The following PBX3 variants were observed in gnomAD, a reference collection of about 807,000 sequenced individuals.
The protein encoded by PBX3 is PBX homeobox 3, also known as pre-B-cell leukemia transcription factor 3.
A neutral mutation model predicts 48.5 loss-of-function variants in PBX3; 14 were observed. The ratio of observed to expected loss-of-function variants is 0.29; its 90% confidence interval spans 0.19 to 0.45. The LOEUF is 0.45. PBX3 is among the 20% of genes least tolerant of loss of function. PBX3 has a pLI of 1.00. For missense variants in PBX3, 386 were observed against 546.7 expected, an observed-to-expected ratio of 0.71 and a Z score of 2.93; for synonymous variants, 210 against 200.3, an observed-to-expected ratio of 1.05 and a Z score of -0.41.
intron 1 of PBX3, 164 bp from the exon 2 acceptor site, chr9:125,748,386 C>G (rs1217590715): frequency 1.5e-6 from 2 of 1,356,928 alleles, no homozygotes; most frequent in Non-Finnish European, 1.9e-6. Context: ...GGCTTGCTGG[C>G]TGTCGGGAAC....
intron 3 of PBX3, among the ~76,000 whole-genome samples, chr9:125,923,907 C>T (rs939261293): frequency 1.3e-5 from 2 of 152,096 alleles, no homozygotes; most frequent in African/African-American, 2.4e-5. Context: ...CTCTGTCGCT[C>T]AGGCTAGAGT....
intron 2 of PBX3, among the ~76,000 whole-genome samples, chr9:125,805,653 T>G (rs775626807): frequency 1.1e-4 from 16 of 152,162 alleles, no homozygotes; most frequent in Non-Finnish European, 1.2e-4. Context: ...GAAATATGGT[T>G]GCTTGGAAGG....
In PBX3 at chr9:125,822,492, T is replaced by G. The variant is rs552499228; in HGVS notation, c.274+73869T>G. The stretch of plus-strand genomic sequence containing the variant: ...TTCTCCAGAGTTTAAAAACGTTTCT[T>G]CCTTAGATGTGGTTTTTCATTGTAA... On this transcript the variant is annotated intron_variant, in intron 2 of 8. Transcript: ENST00000373489. 3.9e-5 allele frequency among the ~76,000 whole-genome samples: 6 copies of G among 152,258 alleles called. No homozygotes were observed. The East Asian group carries it at 1.2e-3, about 29-fold the overall frequency.
rs907651222 is a variant in PBX3, at chr9:125,759,186, T to C, written c.274+10563T>C. Among the ~76,000 whole-genome samples the C allele has an allele frequency of 6.6e-6, 1 of 152,212 alleles. No individual in the cohort carries two copies. The highest frequency in any genetic ancestry group is 1.5e-5 in the Non-Finnish European group (1 of 68,038). On this transcript the variant is annotated intron_variant, in intron 2 of 8. Coordinates refer to ENST00000373489, the MANE Select transcript of PBX3 (RefSeq NM_006195.6). This position sits in a 1 kb window ranked among gnomAD's most constrained non-coding sequence, Gnocchi z 4.2. ...GCTGTGGTCAGCACTAGTGTAAATA[T>C]TTGTAGACAACCATGTTTTACAGAC...
At chr9:125,761,896 GA>G (rs1026306732) in intron 2 of PBX3, among the ~76,000 whole-genome samples, 2 of 152,132 alleles carry the variant, frequency 1.3e-5, no homozygotes, top group African/African-American at 4.8e-5. Flanking sequence ...GCTATTTATA[GA>G]TCCCCATTTC....
chr9:125,817,751 A>C (rs1002783898), intron 2 of PBX3, among the ~76,000 whole-genome samples: 3 of 152,224 alleles, frequency 2.0e-5, no homozygotes, highest in Non-Finnish European at 4.4e-5. Flanking sequence ...TTGTCCTACA[A>C]ATCGAAAAAA....
rs186190071 is a variant in PBX3 at position 125,761,336 on chromosome 9, T to A, written c.274+12713T>A. Among the ~76,000 whole-genome samples, 102 of 152,256 alleles carry A rather than the reference T, an allele frequency of 6.7e-4. 1 individual carries two copies. Among genetic ancestry groups the A allele is most frequent in the Admixed American group, 7.8e-4 (12 of 15,292 alleles). On this transcript the variant is annotated intron_variant, in intron 2 of 8. Coordinates refer to ENST00000373489, the MANE Select transcript of PBX3 (RefSeq NM_006195.6). ...TATTGCATTTGAAAATATTGTATTT[T>A]GAGTAAGAGTAAAACATTGTTCCAT...
At chr9:125,917,641 C>T (rs1028962632) in intron 3 of PBX3, among the ~76,000 whole-genome samples, 3 of 151,992 alleles carry the variant, frequency 2.0e-5, no homozygotes, top group South Asian at 2.1e-4. Context: ...TTATATATAT[C>T]GTTGTTTTTT....
intron 4 of PBX3, among the ~76,000 whole-genome samples, chr9:125,933,344 C>T (rs1353665414): frequency 1.3e-5 from 2 of 151,976 alleles, no homozygotes; most frequent in African/African-American, 4.8e-5. Context: ...TCTCCTCTTC[C>T]AGTAGAAGTG....
chr9:125,935,291 A>G (rs1841810323), intron 4 of PBX3, among the ~76,000 whole-genome samples, 181 bp from the exon 5 acceptor site: 1 of 152,244 alleles, frequency 6.6e-6, no homozygotes, highest in African/African-American at 2.4e-5. Flanking sequence ...ACATCTTAAA[A>G]TGAGTTGGAT....
chr9:125,851,870 C>CTTTTTT (rs1164910184), intron 2 of PBX3, among the ~76,000 whole-genome samples: 2 of 121,456 alleles, frequency 1.6e-5, no homozygotes, highest in African/African-American at 3.0e-5. Flanking sequence ...ATTTTTGCTG[C>CTTTTTT]TTTTTTTTTT....
rs530536170 is a variant in PBX3 at position 125,878,954 on chromosome 9, A to ATT, written c.275-36723_275-36722dup. Among the ~76,000 whole-genome samples the ATT allele has an allele frequency of 2.0e-5, 3 of 148,706 alleles. No homozygotes were observed. The East Asian group carries it at 5.9e-4, about 29-fold the overall frequency. ...GTGACAACATCACTAAAAGTGAGTGATTTTTTTTTTCCCATGGAAGGAGTT... is the reference window on the plus strand; with the variant it reads ...GTGACAACATCACTAAAAGTGAGTGATTTTTTTTTTTTCCCATGGAAGGAGTT... On this transcript the variant is annotated intron_variant, in intron 2 of 8. Transcript: ENST00000373489.
intron 2 of PBX3, among the ~76,000 whole-genome samples, chr9:125,781,059 C>T (rs547837205): frequency 1.3e-4 from 18 of 143,776 alleles, no homozygotes; most frequent in Non-Finnish European, 2.3e-4. Context: ...CAGAGGGGCT[C>T]CTCACGTCCC....
intron 2 of PBX3, among the ~76,000 whole-genome samples, chr9:125,829,667 T>C (rs914541904): frequency 6.6e-6 from 1 of 152,156 alleles, no homozygotes; most frequent in Admixed American, 6.5e-5. Flanking sequence ...GTCAGCTCTT[T>C]CCTTAAATTA....
At chr9:125,761,443 T>A (rs891969484) in intron 2 of PBX3, among the ~76,000 whole-genome samples, 2 of 152,118 alleles carry the variant, frequency 1.3e-5, no homozygotes, top group African/African-American at 2.4e-5. Flanking sequence ...ACTACAGTAA[T>A]GCTTCAGTGG....
At chr9:125,963,155 T>A in intron 8 of PBX3, 54 bp downstream of exon 8, 2 of 960,646 alleles carry the variant, frequency 2.1e-6, no homozygotes, top group Non-Finnish European at 3.2e-6. Flanking sequence ...AAACAGTGAC[T>A]AATAAAGAAA....
intron 2 of PBX3, among the ~76,000 whole-genome samples, chr9:125,782,242 A>C (rs1197330449): frequency 2.0e-5 from 3 of 152,126 alleles, no homozygotes; most frequent in Non-Finnish European, 4.4e-5. Flanking sequence ...TTGTGCAGGG[A>C]AACTCCTCTT....
intron 2 of PBX3, among the ~76,000 whole-genome samples, chr9:125,899,375 GTA>G (rs1187125862): frequency 1.8e-5 from 2 of 108,608 alleles, no homozygotes; most frequent in Non-Finnish European, 4.0e-5. Flanking sequence ...ATACATATAT[GTA>G]TATATTTTTA....
In PBX3 at chr9:125,759,101, G is replaced by A. The variant is rs571011369; in HGVS notation, c.274+10478G>A. On this transcript the variant is annotated intron_variant, in intron 2 of 8. Coordinates refer to ENST00000373489, the MANE Select transcript of PBX3 (RefSeq NM_006195.6). This position sits in a 1 kb window ranked among gnomAD's most constrained non-coding sequence, Gnocchi z 4.2. ...TAGTGGAAATGGTTGATTCAAAGAT[G>A]GCAAAACCTGAGCTTAAAAAAATGT... 6.6e-6 allele frequency among the ~76,000 whole-genome samples: 1 copy of A among 152,236 alleles called. No individual in the cohort carries two copies. The highest frequency in any genetic ancestry group is 1.9e-4 in the East Asian group (1 of 5,182).
Sources: gnomAD v4.1 joint callset for allele counts (sites outside exome capture counted in the v4.1 genomes callset) on GRCh38, gnomAD v4.1.1 for gene constraint, Gnocchi (gnomAD v3.1) non-coding constraint, MANE v1.5 for transcripts, NCBI Gene and HGNC (gene_info 2026-07-23, HGNC 2026-07-21) for gene names.